FNDC3B: variants seen among roughly 807,000 people sequenced by gnomAD.
FNDC3B encodes fibronectin type III domain-containing protein 3B.
In FNDC3B, 12 loss-of-function variants were observed where a neutral mutation model predicts 151.5. The ratio of observed to expected loss-of-function variants is 0.08; its 90% CI spans 0.05 to 0.13. The LOEUF (loss-of-function observed/expected upper bound fraction) is 0.13. Among genes scored for constraint, FNDC3B ranks in the 10% least tolerant of loss-of-function variants. FNDC3B has a pLI of 1.00. For synonymous variants in FNDC3B, 528 were observed against 549.0 expected (o/e 0.96, Z 0.54); for missense variants, 1,214 against 1,505.3 (o/e 0.81, Z 3.20).
At chr3:172,041,409 C>T (rs61639813) in intron 1 of FNDC3B, among the ~76,000 whole-genome samples, 2,208 of 134,746 alleles carry the variant, frequency 0.016, 24 homozygotes, top group East Asian at 0.049. Flanking sequence ...TTCTCCTTCT[C>T]TCTCCTTCCT....
intron 11 of FNDC3B, among the ~76,000 whole-genome samples, chr3:172,325,821 A>G (rs1732314170): frequency 6.6e-6 from 1 of 151,840 alleles, no homozygotes; most frequent in Non-Finnish European, 1.5e-5. Flanking sequence ...CCAGATATGC[A>G]TTTTATTTTA....
rs141533895 is a variant in FNDC3B, at chr3:172,242,611, G to A, written c.265-4922G>A. ...ATGACTGGAGTGGCTGGGATGCAGG[G>A]CACCAAGTCCTTAGATTGCACACAG... On this transcript the variant is annotated intron_variant, in intron 4 of 25. Coordinates refer to ENST00000415807, the MANE Select transcript of FNDC3B (RefSeq NM_022763.4). Among the ~76,000 whole-genome samples, 631 of 152,292 alleles carry A rather than the reference G, an allele frequency of 4.1e-3. 5 individuals are homozygous for A. Among genetic ancestry groups the A allele is most frequent in the South Asian group, 0.012 (57 of 4,830 alleles).
At chr3:172,066,505 T>C (rs1473639079) in intron 1 of FNDC3B, among the ~76,000 whole-genome samples, 1 of 151,164 alleles carries the variant, frequency 6.6e-6, no homozygotes, top group Non-Finnish European at 1.5e-5. Context: ...TTCCTGTCCT[T>C]TCAGGACAGA....
chr3:172,359,590 A>G (rs1248059314), intron 22 of FNDC3B, among the ~76,000 whole-genome samples: 1 of 152,240 alleles, frequency 6.6e-6, no homozygotes, highest in East Asian at 1.9e-4. Context: ...CTGAGAAGGG[A>G]AAGAGGATAG....
At chr3:172,315,791 C>T (rs978193554) in intron 11 of FNDC3B, among the ~76,000 whole-genome samples, 13 of 152,040 alleles carry the variant, frequency 8.6e-5, no homozygotes, top group Non-Finnish European at 1.8e-4. Context: ...TGGTTAACAG[C>T]AAAACAATGA....
chr3:172,231,924 A>G (rs1197306433), intron 4 of FNDC3B, among the ~76,000 whole-genome samples: 1 of 120,988 alleles, frequency 8.3e-6, no homozygotes, highest in African/African-American at 3.2e-5. Flanking sequence ...TCTGACGCCC[A>G]GGCTGGTGTG....
intron 9 of FNDC3B, among the ~76,000 whole-genome samples, chr3:172,306,278 A>T (rs190825835): frequency 3.9e-5 from 6 of 152,322 alleles, no homozygotes; most frequent in African/African-American, 1.4e-4. Context: ...AACAAGGGGA[A>T]TAGGCAATAC....
In FNDC3B at chr3:172,400,623, A is replaced by G. The variant is rs1398494237; in HGVS notation, c.*3148A>G. The G allele has an allele frequency of 6.6e-6, 1 of 152,618 alleles. No individual in the cohort carries two copies. The highest frequency in any genetic ancestry group is 2.4e-5 in the African/African-American group (1 of 41,444). The allele number at this position is 152,618 out of a possible 1,614,324, so 9.5% of individuals were successfully genotyped here. ...GTATAGATTTTGCAAATATTATGCT[A>G]TATGTAATACCTAACTGTATCTGTA... On this transcript the variant is annotated 3_prime_UTR_variant, in exon 26 of 26. Transcript: ENST00000415807.
intron 1 of FNDC3B, among the ~76,000 whole-genome samples, chr3:172,083,463 T>C (rs9851781): frequency 0.059 from 8,912 of 152,258 alleles, 892 homozygotes; most frequent in African/African-American, 0.2. Context: ...CTACCTCATC[T>C]GTCTGTTCAC....
chr3:172,159,019 C>T (rs576475000), intron 3 of FNDC3B, among the ~76,000 whole-genome samples: 19 of 152,314 alleles, frequency 1.2e-4, no homozygotes, highest in Middle Eastern at 3.4e-3. Context: ...TGGTGGCTCA[C>T]GCCTGTAATC....
intron 1 of FNDC3B, among the ~76,000 whole-genome samples, chr3:172,082,806 G>A (rs1029338690): frequency 6.6e-6 from 1 of 152,194 alleles, no homozygotes; most frequent in Non-Finnish European, 1.5e-5. Flanking sequence ...CTGAGGGAGT[G>A]AAAGGGTAGA....
rs938230767 is a variant in FNDC3B, at chr3:172,307,227, G to C, written c.1062-136G>C. 8 of 878,166 alleles carry C rather than the reference G, an allele frequency of 9.1e-6. No homozygotes were observed. The African/African-American group carries it at 1.3e-4, about 15-fold the overall frequency. The allele number at this position is 878,166 out of a possible 1,614,324, so 54.4% of individuals were successfully genotyped here. ...ACCATAGGTCAGGACAAGACCAACA[G>C]ATAAGAGCAAGAGCATGATACTCAC... On this transcript the variant is annotated intron_variant, in intron 9 of 25. Transcript: ENST00000415807.
chr3:172,186,112 G>A (rs942568211), intron 3 of FNDC3B, among the ~76,000 whole-genome samples: 4 of 152,178 alleles, frequency 2.6e-5, no homozygotes, highest in East Asian at 3.8e-4. Flanking sequence ...GAAGCTTCAC[G>A]AATTTTTATG....
chr3:172,315,876 T>G (rs939252773), intron 11 of FNDC3B, among the ~76,000 whole-genome samples: 1 of 152,062 alleles, frequency 6.6e-6, no homozygotes, highest in Non-Finnish European at 1.5e-5. Context: ...GCGGACACCA[T>G]GCTTGAGACA....
chr3:172,320,629 A>G (rs1334429089), intron 11 of FNDC3B, among the ~76,000 whole-genome samples: 1 of 152,222 alleles, frequency 6.6e-6, no homozygotes, highest in African/African-American at 2.4e-5. Context: ...TGTTAGTGCC[A>G]GCGGTGTTGG....
intron 1 of FNDC3B, among the ~76,000 whole-genome samples, chr3:172,092,544 A>C (rs1210122409): frequency 1.3e-5 from 2 of 152,110 alleles, no homozygotes; most frequent in Non-Finnish European, 2.9e-5. Flanking sequence ...GGTATGGGAG[A>C]AAGTCTAGTC....
chr3:172,088,612 C>T (rs1283174639), intron 1 of FNDC3B, among the ~76,000 whole-genome samples: 3 of 152,126 alleles, frequency 2.0e-5, no homozygotes, highest in African/African-American at 7.2e-5. Flanking sequence ...TTTCTTTAAA[C>T]TGTATTTTAT....
At chr3:172,097,238 C>T (rs998333819) in intron 1 of FNDC3B, among the ~76,000 whole-genome samples, 2 of 152,120 alleles carry the variant, frequency 1.3e-5, no homozygotes, top group Admixed American at 1.3e-4. Flanking sequence ...TCTTTTTTAG[C>T]TGTTTGGGTT....
At chr3:172,210,891 C>T (rs1377864130) in intron 3 of FNDC3B, among the ~76,000 whole-genome samples, 1 of 152,160 alleles carries the variant, frequency 6.6e-6, no homozygotes, top group Non-Finnish European at 1.5e-5. Context: ...GTTACCCATA[C>T]ATAGAATCAT....
Sources: allele counts gnomAD v4.1 joint callset (sites outside exome capture counted in the v4.1 genomes callset), GRCh38; gene constraint gnomAD v4.1.1; transcripts MANE v1.5; gene names NCBI Gene and HGNC (gene_info 2026-07-23, HGNC 2026-07-21).